Variants in MKX observed in about 807,000 individuals in gnomAD.
MKX encodes mohawk homeobox.
In MKX, 13 loss-of-function variants were observed where a neutral mutation model predicts 36.0. The ratio of observed to expected loss-of-function variants is 0.36; its 90% confidence interval spans 0.24 to 0.57. The LOEUF is 0.57. Among genes scored for constraint, MKX ranks in the 20% least tolerant of loss-of-function variants. The pLI is 0.79. For synonymous variants in MKX, 176 were observed against 178.3 expected (o/e 0.99, Z 0.10); for missense variants, 458 against 456.4 (o/e 1.00, Z -0.03).
chr10:27,742,326 C>T lies in MKX; in HGVS notation c.189-822G>A, dbSNP rs1834918048. Among the ~76,000 whole-genome samples the T allele has an allele frequency of 6.6e-6, 1 of 152,196 alleles. No individual in the cohort carries two copies. The highest frequency in any genetic ancestry group is 1.5e-5 in the Non-Finnish European group (1 of 68,020). ...GCGGCCGCCAGCGAGCCCAGCCGCT[C>T]CCCGAGGCTTGCGCGCCTGCGCCGG... is the stretch of plus-strand genomic sequence containing the variant. On this transcript the variant is annotated intron_variant, in intron 2 of 6. Transcript: ENST00000419761. The surrounding 1 kb of genome is among the most constrained non-coding windows in gnomAD (Gnocchi z 4.2).
intron 1 of MKX, 187 bp from the exon 2 acceptor site, chr10:27,743,684 C>T: frequency 2.1e-6 from 1 of 475,610 alleles, no homozygotes; most frequent in Non-Finnish European, 3.7e-6. Flanking sequence ...GCAGGTTCCC[C>T]GGACAGGTAC....
intron 5 of MKX, among the ~76,000 whole-genome samples, chr10:27,724,325 G>A (rs1240935252): frequency 6.6e-6 from 1 of 152,120 alleles, no homozygotes; most frequent in African/African-American, 2.4e-5. Context: ...CAGCAGTTCC[G>A]GAAGACATGA....
intron 5 of MKX, among the ~76,000 whole-genome samples, chr10:27,681,122 G>A (rs574101840): frequency 6.6e-6 from 1 of 152,316 alleles, no homozygotes; most frequent in Admixed American, 6.5e-5. Context: ...GCCACACATT[G>A]CTCATGTATT....
rs1032903353 is a variant in MKX at position 27,742,449 on chromosome 10, T to C, written c.188+779A>G. Among the ~76,000 whole-genome samples the C allele has an allele frequency of 2.0e-5, 3 of 152,130 alleles. No homozygotes were observed. Among genetic ancestry groups the C allele is most frequent in the Admixed American group, 2.0e-4 (3 of 15,288 alleles). The stretch of plus-strand genomic sequence containing the variant: ...TGACGAAACCGAATCTCTGTTTTAC[T>C]AAGCAGCGACGCCGCAGAACAAGCA... On this transcript the variant is annotated intron_variant, in intron 2 of 6. Coordinates refer to ENST00000419761, the MANE Select transcript of MKX (RefSeq NM_173576.3). This position sits in a 1 kb window ranked among gnomAD's most constrained non-coding sequence, Gnocchi z 4.2.
At position 27,745,801 on chromosome 10, in the gene MKX, G is replaced by C. The variant is rs937482538; in HGVS notation, c.-177C>G. The stretch of plus-strand genomic sequence containing the variant: ...CATCCCCGCCGCATGTTCTCCACGC[G>C]GGCTCCAGCGCGCTCACCACCGCCA... On this transcript the variant is annotated 5_prime_UTR_variant, in exon 1 of 7. Coordinates refer to ENST00000419761, the MANE Select transcript of MKX (RefSeq NM_173576.3). The C allele has an allele frequency of 6.5e-6, 1 of 152,970 alleles. No individual in the cohort carries two copies. Among genetic ancestry groups the C allele is most frequent in the African/African-American group, 2.4e-5 (1 of 41,460 alleles). The allele number at this position is 152,970 out of a possible 1,614,324, so 9.5% of individuals were successfully genotyped here.
chr10:27,722,580 C>A (rs1211724629), intron 5 of MKX, among the ~76,000 whole-genome samples: 6 of 152,320 alleles, frequency 3.9e-5, no homozygotes, highest in African/African-American at 1.4e-4. Flanking sequence ...CACAGAGCTG[C>A]TGATTTCTAA....
intron 3 of MKX, among the ~76,000 whole-genome samples, chr10:27,738,540 T>C (rs1246678449): frequency 6.6e-6 from 1 of 152,068 alleles, no homozygotes; most frequent in East Asian, 1.9e-4. Context: ...TACGTATAGA[T>C]GTTTGGGCCT....
chr10:27,683,143 A>G (rs1400034689), intron 5 of MKX, among the ~76,000 whole-genome samples: 1 of 152,182 alleles, frequency 6.6e-6, no homozygotes, highest in Non-Finnish European at 1.5e-5. Flanking sequence ...GCAGCTGTAA[A>G]TACAGATGAA....
intron 5 of MKX, among the ~76,000 whole-genome samples, chr10:27,710,649 A>G (rs970483851): frequency 6.6e-6 from 1 of 151,832 alleles, no homozygotes; most frequent in African/African-American, 2.4e-5. Flanking sequence ...CTAGTTTTTA[A>G]TTTTTTATTT....
intron 5 of MKX, among the ~76,000 whole-genome samples, chr10:27,680,179 CG>C (rs1836229226): frequency 6.6e-6 from 1 of 152,068 alleles, no homozygotes; most frequent in Non-Finnish European, 1.5e-5. Context: ...ACATTTGGCT[CG>C]GCTATATCTC....
chr10:27,720,736 T>G (rs908614698), intron 5 of MKX, among the ~76,000 whole-genome samples: 23 of 152,146 alleles, frequency 1.5e-4, no homozygotes, highest in African/African-American at 5.6e-4. Flanking sequence ...TAATGTGTGT[T>G]ATTACTGCTG....
intron 5 of MKX, among the ~76,000 whole-genome samples, chr10:27,697,786 G>C (rs996123342): frequency 3.3e-5 from 5 of 152,206 alleles, no homozygotes; most frequent in Non-Finnish European, 5.9e-5. Context: ...TGAACGAATG[G>C]TATAGCTCAT....
intron 5 of MKX, among the ~76,000 whole-genome samples, chr10:27,706,605 G>A (rs1454270125): frequency 3.3e-5 from 5 of 151,880 alleles, no homozygotes; most frequent in African/African-American, 9.7e-5. Flanking sequence ...CCTAGTGGGT[G>A]TGAGGTGGTA....
chr10:27,735,999 T>A (rs1048848391), intron 3 of MKX, among the ~76,000 whole-genome samples: 1 of 152,114 alleles, frequency 6.6e-6, no homozygotes, highest in Admixed American at 6.6e-5. Flanking sequence ...GATAAAATGA[T>A]GTGTTTGGCT....
intron 5 of MKX, among the ~76,000 whole-genome samples, chr10:27,689,103 C>A (rs1836407987): frequency 6.6e-6 from 1 of 152,098 alleles, no homozygotes; most frequent in Admixed American, 6.5e-5. Context: ...ACATTATTGC[C>A]ATGCTTTTCA....
chr10:27,727,983 G>A (rs947726415), intron 5 of MKX, among the ~76,000 whole-genome samples: 28 of 152,210 alleles, frequency 1.8e-4, no homozygotes, highest in African/African-American at 6.3e-4. Context: ...CTCATTCCCA[G>A]ATGGCCTTTG....
chr10:27,678,541 T>A (rs1479792910), intron 5 of MKX, among the ~76,000 whole-genome samples: 1 of 152,148 alleles, frequency 6.6e-6, no homozygotes, highest in Non-Finnish European at 1.5e-5. Context: ...AGAACCCTGT[T>A]CCCTACCTGA....
rs1374949650 is a variant in MKX at position 27,675,390 on chromosome 10, T to C, written c.898A>G (p.Lys300Glu). 1 of 1,614,188 alleles carries C rather than the reference T, an allele frequency of 6.2e-7. No individual in the cohort carries two copies. Among genetic ancestry groups the C allele is most frequent in the Non-Finnish European group, 8.5e-7 (1 of 1,180,036 alleles). The change falls in exon 7 of 7, where the codon AAG becomes GAG. Residue 300 changes from lysine (K) to glutamate (E), a missense_variant. Coordinates refer to ENST00000419761, the MANE Select transcript of MKX (RefSeq NM_173576.3). ...ESAANRKGPS[K>E]DDTYWKEINA... is the part of the protein sequence containing the mutation. ...ATCTCCTTCCAATACGTGTCATCCT[T>C]GCTTGGTCCTTTTCTGTTAGCTGCG... is the stretch of plus-strand genomic sequence containing the variant.
intron 5 of MKX, among the ~76,000 whole-genome samples, chr10:27,721,615 G>C (rs1289185176): frequency 1.3e-5 from 2 of 152,082 alleles, no homozygotes; most frequent in Non-Finnish European, 2.9e-5. Context: ...ACACACACTA[G>C]GGCCTGTCAT....
Sources: gnomAD v4.1 joint callset for allele counts (sites outside exome capture counted in the v4.1 genomes callset) on GRCh38, gnomAD v4.1.1 for gene constraint, Gnocchi (gnomAD v3.1) non-coding constraint, MANE v1.5 for transcripts, NCBI Gene and HGNC (gene_info 2026-07-23, HGNC 2026-07-21) for gene names.